TNRC6A: variants seen among roughly 807,000 people sequenced by gnomAD.
TNRC6A encodes trinucleotide repeat containing adaptor 6A.
In TNRC6A, 44 loss-of-function variants were observed where a neutral mutation model predicts 221.2. The ratio of observed to expected loss-of-function variants is 0.20; its 90% CI spans 0.16 to 0.26. TNRC6A has a LOEUF of 0.26. TNRC6A is among the 10% of genes least tolerant of loss of function. The pLI is 1.00. For synonymous variants in TNRC6A, 847 were observed against 838.5 expected (o/e 1.01, Z -0.18); for missense variants, 2,199 against 2,404.4 (o/e 0.91, Z 1.79).
intron 3 of TNRC6A, among the ~76,000 whole-genome samples, chr16:24,757,012 A>G (rs574260338): frequency 6.6e-5 from 10 of 152,248 alleles, no homozygotes; most frequent in Non-Finnish European, 1.5e-4. Context: ...GTGTTCATAT[A>G]CTAACTTCTC....
At chr16:24,704,450 G>A (rs1005172664) in intron 2 of TNRC6A, among the ~76,000 whole-genome samples, 4 of 151,446 alleles carry the variant, frequency 2.6e-5, no homozygotes, top group Non-Finnish European at 2.9e-5. Context: ...AGGCCAAGGC[G>A]GGCAGATCAC....
At position 24,750,788 on chromosome 16, in the gene TNRC6A, AAAAG is replaced by A. The variant is rs2057119011; in HGVS notation, c.119_122del (p.Lys40ArgfsTer19). 3 of 1,567,216 alleles carry A rather than the reference AAAAG, an allele frequency of 1.9e-6. No homozygotes were observed. Among genetic ancestry groups the A allele is most frequent in the Non-Finnish European group, 2.6e-6 (3 of 1,159,790 alleles). ...AAGAAAAAGAAAAAAGACGACAAGA[AAAAG>A]AAGGAAGCTGCTCAAAAGAAGGTAG... On this transcript the variant is annotated frameshift_variant, in exon 3 of 25. Transcript: ENST00000395799. LOFTEE classifies it high-confidence loss of function.
intron 4 of TNRC6A, among the ~76,000 whole-genome samples, chr16:24,772,880 A>G (rs752855711): frequency 6.6e-6 from 1 of 152,346 alleles, no homozygotes; most frequent in Admixed American, 6.5e-5. Context: ...TATTTCTTCT[A>G]TGTAAACTAG....
chr16:24,699,901 T>C (rs1308337395), intron 2 of TNRC6A, among the ~76,000 whole-genome samples: 4 of 152,096 alleles, frequency 2.6e-5, no homozygotes, highest in Non-Finnish European at 5.9e-5. Flanking sequence ...TCTAAGAAGC[T>C]CAGCAATGTG....
Position 24,706,989 on chromosome 16 carries a change from G to GTATT in TNRC6A, n.403-43715_403-43712dup, listed in dbSNP as rs899368992. 7.1e-4 allele frequency among the ~76,000 whole-genome samples: 92 copies of GTATT among 130,346 alleles called. 1 individual carries two copies. The highest frequency in any genetic ancestry group is 6.2e-3 in the South Asian group (25 of 4,020). 85.5% of individuals were successfully genotyped at this position (130,346 alleles called of 152,430 possible). A position where few individuals can be genotyped will look rare whatever the true frequency, so the allele number is the denominator to read the frequency against. On this transcript the variant is annotated intron_variant and non_coding_transcript_variant, in intron 2 of 2. Coordinates refer to the TNRC6A transcript ENST00000566108. ...TATTTATTTATCTATTTTTATTTATGTATTTATTTATTTATTTATTTATTT... is the reference window on the plus strand; with the variant it reads ...TATTTATTTATCTATTTTTATTTATGTATTTATTTATTTATTTATTTATTTATTT...
intron 2 of TNRC6A, among the ~76,000 whole-genome samples, chr16:24,643,308 C>T (rs1001872886): frequency 3.3e-5 from 5 of 151,236 alleles, no homozygotes; most frequent in Admixed American, 2.0e-4. Context: ...CCAGGAGTGC[C>T]GTGACACTGA....
intron 1 of TNRC6A, among the ~76,000 whole-genome samples, chr16:24,618,642 ATTTTTTTTTT>A (rs61228496): frequency 2.3e-5 from 2 of 88,040 alleles, no homozygotes; most frequent in Non-Finnish European, 4.4e-5. Context: ...CATTTCATGA[ATTTTTTTTTT>A]TTTTTTTTTT....
intron 3 of TNRC6A, among the ~76,000 whole-genome samples, chr16:24,752,637 G>A (rs1190278375): frequency 1.3e-5 from 2 of 152,210 alleles, no homozygotes; most frequent in Non-Finnish European, 2.9e-5. Flanking sequence ...TGTGTCCTCT[G>A]TAAGTCTGAG....
intron 2 of TNRC6A, among the ~76,000 whole-genome samples, chr16:24,685,525 G>A (rs1183720874): frequency 6.6e-6 from 1 of 152,136 alleles, no homozygotes; most frequent in Non-Finnish European, 1.5e-5. Flanking sequence ...TTTTAGTAGA[G>A]ATGAAGTCTC....
At chr16:24,623,152 A>AATTT (rs199950284) in intron 1 of TNRC6A, among the ~76,000 whole-genome samples, 11,975 of 143,716 alleles carry the variant, frequency 0.083, 890 homozygotes, top group East Asian at 0.36. Flanking sequence ...AAGTGATAAG[A>AATTT]ATTTATTTAT....
intron 4 of TNRC6A, among the ~76,000 whole-genome samples, chr16:24,759,975 A>G (rs189634095): frequency 6.6e-6 from 1 of 151,996 alleles, no homozygotes; most frequent in African/African-American, 2.4e-5. Flanking sequence ...TCTCCCCCAC[A>G]TAGCAATGGT....
chr16:24,679,910 A>G (rs891445789), intron 2 of TNRC6A, among the ~76,000 whole-genome samples: 1 of 152,156 alleles, frequency 6.6e-6, no homozygotes, highest in African/African-American at 2.4e-5. Context: ...TACCTGGCCC[A>G]CTGGATCTTT....
rs751865817 is a variant in TNRC6A, at chr16:24,823,636, G to A, written c.5718G>A (p.Ser1906=). ...ATCACTGGAATGGTGCTGGGCTGTC[G>A]GGAACTAACTGTGGAGACCTTCACG... is the stretch of plus-strand genomic sequence containing the variant. The part of the protein sequence containing the change: ...DLNHWNGAGL[S]GTNCGDLHGT... Residue 1906 remains serine, a synonymous_variant, in exon 25 of 25, where the codon TCG becomes TCA. Coordinates refer to ENST00000395799, the MANE Select transcript of TNRC6A (RefSeq NM_014494.4). This position sits in a 1 kb window ranked among gnomAD's most constrained non-coding sequence, Gnocchi z 4.3. 87 of 1,613,536 alleles carry A rather than the reference G, an allele frequency of 5.4e-5. 1 individual carries two copies. Among genetic ancestry groups the A allele is most frequent in the Admixed American group, 3.3e-4 (20 of 59,942 alleles).
In TNRC6A at chr16:24,676,990, G is replaced by A. The variant is rs375212829; in HGVS notation, n.402+35981G>A. 4.6e-5 allele frequency among the ~76,000 whole-genome samples: 7 copies of A among 151,762 alleles called. 1 individual carries two copies. Among genetic ancestry groups the A allele is most frequent in the Middle Eastern group, 3.4e-3 (1 of 294 alleles). ...CTGGTATGGCTTTAAATATCATTGCGTGCCACTAACTTTTTATTGTCTGTC... is the reference window on the plus strand; with the variant it reads ...CTGGTATGGCTTTAAATATCATTGCATGCCACTAACTTTTTATTGTCTGTC... On this transcript the variant is annotated intron_variant and non_coding_transcript_variant, in intron 2 of 2. Coordinates refer to the TNRC6A transcript ENST00000566108.
chr16:24,657,529 G>A (rs757972198), intron 2 of TNRC6A, among the ~76,000 whole-genome samples: 60 of 151,920 alleles, frequency 3.9e-4, no homozygotes, highest in Non-Finnish European at 7.2e-4. Flanking sequence ...GGCCAACATG[G>A]TGAAACCCCG....
At chr16:24,693,920 G>T (rs1386076902) in intron 2 of TNRC6A, among the ~76,000 whole-genome samples, 3 of 152,046 alleles carry the variant, frequency 2.0e-5, no homozygotes, top group African/African-American at 4.8e-5. Context: ...TTAAAAAGAG[G>T]GTTGATTAAC....
intron 1 of TNRC6A, among the ~76,000 whole-genome samples, chr16:24,621,475 C>T (rs547981619): frequency 6.6e-6 from 1 of 150,892 alleles, no homozygotes; most frequent in Non-Finnish European, 1.5e-5. Flanking sequence ...TCTTGTGCCT[C>T]GGCCTCCCGA....
chr16:24,791,027 C>T lies in TNRC6A; in HGVS notation c.2385C>T (p.Ser795=), dbSNP rs775583958. 5 of 1,590,310 alleles carry T rather than the reference C, an allele frequency of 3.1e-6. No homozygotes were observed. The highest frequency in any genetic ancestry group is 4.3e-6 in the Non-Finnish European group (5 of 1,168,176). Residue 795 remains serine, a synonymous_variant, in exon 6 of 25, where the codon TCC becomes TCT. Coordinates refer to ENST00000395799, the MANE Select transcript of TNRC6A (RefSeq NM_014494.4). ...AACCTGCTCTGAGGTGGGGAGATTC[C>T]AAAGGCTCAAACTGCCAGGGGGGGT... ...DPKPALRWGD[S]KGSNCQGGWE...
chr16:24,743,173 A>AG (rs2056928159), intron 2 of TNRC6A, among the ~76,000 whole-genome samples: 1 of 152,186 alleles, frequency 6.6e-6, no homozygotes, highest in Non-Finnish European at 1.5e-5. Context: ...GAATAATACC[A>AG]GTGCTATGTT....
Sources: gnomAD v4.1 joint callset for allele counts (sites outside exome capture counted in the v4.1 genomes callset) on GRCh38, gnomAD v4.1.1 for gene constraint, Gnocchi (gnomAD v3.1) non-coding constraint, MANE v1.5 for transcripts, NCBI Gene and HGNC (gene_info 2026-07-23, HGNC 2026-07-21) for gene names.